The following PDZD2 variants were observed in gnomAD, a reference collection of about 807,000 sequenced individuals.
The protein encoded by PDZD2 is PDZ domain containing 2.
In PDZD2, 90 loss-of-function variants were observed where a neutral mutation model predicts 220.7. The ratio of observed to expected loss-of-function variants is 0.41; its 90% CI spans 0.34 to 0.49. PDZD2 has a LOEUF of 0.49. PDZD2 is among the 20% of genes least tolerant of loss of function. The probability of loss-of-function intolerance (pLI) is 0.28; values close to 1 mark genes in which losing one functional copy is unlikely to be tolerated. For synonymous variants in PDZD2, 1,375 were observed against 1,450.5 expected, an observed-to-expected ratio of 0.95 and a Z score of 1.18; for missense variants, 3,174 against 3,608.5, an observed-to-expected ratio of 0.88 and a Z score of 3.08.
At chr5:32,086,986 G>A (rs1742531513) in intron 19 of PDZD2, 145 bp from the exon 20 acceptor site, 1 of 588,236 alleles carries the variant, frequency 1.7e-6, no homozygotes, top group South Asian at 2.5e-5. Context: ...ACCACGCCCA[G>A]CTTTCTGAAA....
intron 1 of PDZD2, among the ~76,000 whole-genome samples, chr5:31,697,418 G>C (rs1044940678): frequency 6.6e-6 from 1 of 152,160 alleles, no homozygotes; most frequent in African/African-American, 2.4e-5. Flanking sequence ...AGCTGAGATC[G>C]TGCCACTGCA....
In PDZD2 at chr5:31,799,287, C is replaced by T. The variant is rs1338213137; in HGVS notation, c.39C>T (p.Pro13=). 3 of 1,612,562 alleles carry T rather than the reference C, an allele frequency of 1.9e-6. No individual in the cohort carries two copies. Among genetic ancestry groups the T allele is most frequent in the Admixed American group, 3.3e-5 (2 of 59,984 alleles). Residue 13 remains proline (P), a synonymous_variant, in exon 2 of 25, where the codon CCC becomes CCT. Transcript: ENST00000438447. ...AGGACAATGCCGTGCTGCACCTGCCCCTCCTCTACCAGTGGCTGCAGAACA... is the reference window on the plus strand; with the variant it reads ...AGGACAATGCCGTGCTGCACCTGCCTCTCCTCTACCAGTGGCTGCAGAACA... ...ITQDNAVLHL[P]LLYQWLQNSL... is the part of the protein sequence containing the mutation.
At chr5:31,876,875 C>T (rs142356847) in intron 2 of PDZD2, among the ~76,000 whole-genome samples, 10 of 152,344 alleles carry the variant, frequency 6.6e-5, no homozygotes, top group African/African-American at 1.9e-4. Flanking sequence ...CTCAAATTCA[C>T]TCCTTAAAAA....
chr5:32,088,834 A>C lies in PDZD2; in HGVS notation c.5386A>C (p.Arg1796=). Residue 1796 remains arginine (R), a synonymous_variant, in exon 20 of 25, where the codon AGG becomes CGG. Transcript: ENST00000438447. The surrounding 1 kb of genome is among the most constrained non-coding windows in gnomAD (Gnocchi z 4.6). ...LLQKPKMIAR[R]PIMAWFKEIN... ...ACAGAAACCAAAAATGATCGCTAGG[A>C]GGCCCATCATGGCCTGGTTTAAAGA... 1 of 1,614,136 alleles carries C rather than the reference A, an allele frequency of 6.2e-7. No homozygotes were observed.
intron 1 of PDZD2, among the ~76,000 whole-genome samples, chr5:31,794,044 G>A (rs763474613): frequency 5.5e-4 from 83 of 152,092 alleles, no homozygotes; most frequent in Admixed American, 1.6e-3. Flanking sequence ...TCATGTGCAG[G>A]GAGTTTTAGT....
chr5:31,878,555 C>CTTTTTTTTTTTT (rs397884384), intron 2 of PDZD2, among the ~76,000 whole-genome samples: 3,002 of 48,174 alleles, frequency 0.062, 967 homozygotes, highest in East Asian at 0.19. Context: ...ATGACCTCGG[C>CTTTTTTTTTTTT]TTTTTTTTTT....
intron 14 of PDZD2, among the ~76,000 whole-genome samples, chr5:32,063,137 T>C (rs1739851015): frequency 6.6e-6 from 1 of 151,784 alleles, no homozygotes; most frequent in South Asian, 2.1e-4. Context: ...CTCTGCCTCC[T>C]GGGTTCAAGT....
rs999277964 is a variant in PDZD2 at position 31,639,199 on chromosome 5, G to T, written c.-599G>T. Among the ~76,000 whole-genome samples, 1 of 151,848 alleles carries T rather than the reference G, an allele frequency of 6.6e-6. No individual in the cohort carries two copies. Among genetic ancestry groups the T allele is most frequent in the African/African-American group, 2.4e-5 (1 of 41,392 alleles). On this transcript the variant is annotated 5_prime_UTR_variant, in exon 1 of 25. Coordinates refer to ENST00000438447, the MANE Select transcript of PDZD2 (RefSeq NM_178140.4). The surrounding 1 kb of genome is among the most constrained non-coding windows in gnomAD (Gnocchi z 4.1). ...CCAGCGCCGGTGCGTGCCGGCCCCG[G>T]GCAGCGGGACGCGGCGGGGCGGCGG...
At chr5:31,672,029 A>T (rs1183138165) in intron 1 of PDZD2, among the ~76,000 whole-genome samples, 2 of 152,154 alleles carry the variant, frequency 1.3e-5, no homozygotes, top group Non-Finnish European at 2.9e-5. Flanking sequence ...GCCCATGGAC[A>T]GTAGGAGGTT....
intron 1 of PDZD2, among the ~76,000 whole-genome samples, chr5:31,784,595 A>T (rs1459805060): frequency 1.3e-5 from 2 of 152,192 alleles, no homozygotes; most frequent in East Asian, 3.9e-4. Context: ...CAGGGACAAA[A>T]ACTCTAAGAG....
intron 6 of PDZD2, among the ~76,000 whole-genome samples, chr5:32,031,763 A>G (rs1755138010): frequency 6.6e-6 from 1 of 152,196 alleles, no homozygotes; most frequent in Non-Finnish European, 1.5e-5. Context: ...GATACACATT[A>G]GGTACTCCAC....
intron 2 of PDZD2, among the ~76,000 whole-genome samples, chr5:31,949,669 T>A (rs890894365): frequency 2.9e-5 from 1 of 34,390 alleles, no homozygotes; most frequent in Non-Finnish European, 7.2e-5. Flanking sequence ...CATTTTTAGC[T>A]TTTTTTTTTT....
chr5:32,090,763 G>A lies in PDZD2; in HGVS notation c.7315G>A (p.Asp2439Asn). The A allele has an allele frequency of 1.9e-6, 3 of 1,614,156 alleles. No individual in the cohort carries two copies. Among genetic ancestry groups the A allele is most frequent in the African/African-American group, 1.3e-5 (1 of 75,044 alleles). ...ACCAGAGACCAGTAGCAAGGGCTCT[G>A]ATTCGGAACTAAAGAAATCACTTGG... Reference protein sequence around the residue: ...NPPETSSKGSDSELKKSLGPL... With the variant: ...NPPETSSKGSNSELKKSLGPL... The change falls in exon 20 of 25, where the codon GAT becomes AAT. Residue 2439 changes from aspartate to asparagine, a missense_variant. Coordinates refer to ENST00000438447, the MANE Select transcript of PDZD2 (RefSeq NM_178140.4). This position sits in a 1 kb window ranked among gnomAD's most constrained non-coding sequence, Gnocchi z 4.3.
At position 32,083,985 on chromosome 5, in the gene PDZD2, G is replaced by T. The variant is rs1742215473; in HGVS notation, c.3683-3146G>T. On this transcript the variant is annotated intron_variant, in intron 19 of 24. Coordinates refer to ENST00000438447, the MANE Select transcript of PDZD2 (RefSeq NM_178140.4). The surrounding 1 kb of genome is among the most constrained non-coding windows in gnomAD (Gnocchi z 4.1). Reference sequence around the variant, plus strand: ...GAGCCACCGCCCACGGCCTGAATATGAAATTTAAAAACAGAGTTTAAATCC... The same window carrying T: ...GAGCCACCGCCCACGGCCTGAATATTAAATTTAAAAACAGAGTTTAAATCC... Among the ~76,000 whole-genome samples, 2 of 152,100 alleles carry T rather than the reference G, an allele frequency of 1.3e-5. No homozygotes were observed. Among genetic ancestry groups the T allele is most frequent in the African/African-American group, 4.8e-5 (2 of 41,412 alleles).
Position 31,674,670 on chromosome 5 carries a change from A to G in PDZD2, c.-361+35233A>G, listed in dbSNP as rs76372184. ...ATGCCTCTGAATCTGGGCGACTGAGAGTGATGATGGGACCTTTTATGGAAA... is the reference window on the plus strand; with the variant it reads ...ATGCCTCTGAATCTGGGCGACTGAGGGTGATGATGGGACCTTTTATGGAAA... On this transcript the variant is annotated intron_variant, in intron 1 of 24. Transcript: ENST00000438447. 6.3e-3 allele frequency among the ~76,000 whole-genome samples: 957 copies of G among 152,256 alleles called. 8 individuals are homozygous for G. The highest frequency in any genetic ancestry group is 0.022 in the African/African-American group (923 of 41,546).
At chr5:31,729,099 C>CT (rs10650811) in intron 1 of PDZD2, among the ~76,000 whole-genome samples, 40,360 of 120,652 alleles carry the variant, frequency 0.33, 8,139 homozygotes, top group Middle Eastern at 0.4. Context: ...TGATCGAAAT[C>CT]TTTTTTTTTT....
At chr5:31,745,537 A>G (rs1468784722) in intron 1 of PDZD2, among the ~76,000 whole-genome samples, 1 of 152,186 alleles carries the variant, frequency 6.6e-6, no homozygotes, top group African/African-American at 2.4e-5. Flanking sequence ...ACTAACTGTG[A>G]AGCCCAAATC....
chr5:31,799,062 C>A lies in PDZD2; in HGVS notation c.-187C>A. 1.7e-6 allele frequency: 1 copy of A among 581,158 alleles called. No individual in the cohort carries two copies. The highest frequency in any genetic ancestry group is 2.8e-5 in the East Asian group (1 of 36,062). The allele number at this position is 581,158 out of a possible 1,614,324, so 36.0% of individuals were successfully genotyped here. A position where few individuals can be genotyped will look rare whatever the true frequency, so the allele number is the denominator to read the frequency against. On this transcript the variant is annotated 5_prime_UTR_variant, in exon 2 of 25. Transcript: ENST00000438447. ...TGTTCCACAGTTGTTCTAATTGGGT[C>A]CTAGCTTCCTCCTGCCAAGGCAAAC... is the stretch of plus-strand genomic sequence containing the variant.
intron 1 of PDZD2, among the ~76,000 whole-genome samples, chr5:31,678,304 C>T (rs1482444176): frequency 6.6e-6 from 1 of 152,200 alleles, no homozygotes; most frequent in Non-Finnish European, 1.5e-5. Flanking sequence ...GAGCTCTGGG[C>T]TAGCACAGCC....
Sources: allele counts gnomAD v4.1 joint callset (sites outside exome capture counted in the v4.1 genomes callset), GRCh38; gene constraint gnomAD v4.1.1; non-coding constraint Gnocchi (gnomAD v3.1); transcripts MANE v1.5; gene names NCBI Gene and HGNC (gene_info 2026-07-23, HGNC 2026-07-21).